ZC3H12B: variants seen among roughly 807,000 people sequenced by gnomAD.
The protein encoded by ZC3H12B is zinc finger CCCH-type containing 12B.
ZC3H12B carries 7 observed loss-of-function variants against 43.9 expected under a neutral mutation model. The ratio of observed to expected loss-of-function variants is 0.16; its 90% CI spans 0.09 to 0.30. ZC3H12B has a LOEUF of 0.30. Ranked by LOEUF, ZC3H12B falls within the 10% of genes least tolerant of loss-of-function variation. The pLI is 1.00. For synonymous variants in ZC3H12B, 222 were observed against 241.7 expected (o/e 0.92, Z 0.76); for missense variants, 475 against 670.2 (o/e 0.71, Z 3.22).
chrX:65,320,181 A>T, the ZC3H12B span, among the ~76,000 whole-genome samples: 1 of 111,840 alleles, frequency 8.9e-6, no homozygotes, highest in East Asian at 2.8e-4. Flanking sequence ...CCTTAAGCTG[A>T]TAAACAATAT....
the ZC3H12B span, among the ~76,000 whole-genome samples, chrX:65,181,124 A>T: frequency 6.3e-5 from 7 of 111,812 alleles, no homozygotes; most frequent in Admixed American, 9.5e-5. Context: ...TTGGTCTTCG[A>T]AAAACCTGAC....
the ZC3H12B span, among the ~76,000 whole-genome samples, chrX:65,197,081 A>G: frequency 8.9e-6 from 1 of 111,836 alleles, no homozygotes; most frequent in Non-Finnish European, 1.9e-5. Context: ...TGCCCCCAGG[A>G]ACTCCACCCA....
intron 2 of ZC3H12B, among the ~76,000 whole-genome samples, chrX:65,388,642 C>CGTCAAA (rs1471107177): frequency 8.9e-6 from 1 of 111,982 alleles, no homozygotes; most frequent in African/African-American, 3.2e-5. Context: ...TCTCTCAACT[C>CGTCAAA]GTCAAAGTCA....
At chrX:65,071,837 C>A in the ZC3H12B span, among the ~76,000 whole-genome samples, 3 of 111,746 alleles carry the variant, frequency 2.7e-5, no homozygotes, top group Admixed American at 2.8e-4. Flanking sequence ...GTCTGATGGG[C>A]TTCTATTTGT....
At chrX:65,472,270 A>G in intron 3 of ZC3H12B, among the ~76,000 whole-genome samples, 1 of 111,760 alleles carries the variant, frequency 8.9e-6, no homozygotes, top group Non-Finnish European at 1.9e-5. Context: ...AGTGTTCTCA[A>G]TATATTTTGG....
the ZC3H12B span, among the ~76,000 whole-genome samples, chrX:65,212,199 A>G: frequency 1.7e-4 from 8 of 47,652 alleles, no homozygotes; most frequent in Non-Finnish European, 2.0e-4. Context: ...TATATAATAT[A>G]ATTATTATAT....
chrX:65,280,856 A>T, the ZC3H12B span, among the ~76,000 whole-genome samples: 1 of 112,065 alleles, frequency 8.9e-6, no homozygotes, highest in Non-Finnish European at 1.9e-5. Flanking sequence ...ATGGACAACT[A>T]TAAAACTTGG....
chrX:65,450,358 T>G (rs1360156000), intron 3 of ZC3H12B, among the ~76,000 whole-genome samples: 1 of 82,831 alleles, frequency 1.2e-5, no homozygotes, highest in Non-Finnish European at 2.2e-5. Context: ...TGTATATATA[T>G]GTGTGTATAT....
At chrX:65,065,833 TTTG>T in the ZC3H12B span, among the ~76,000 whole-genome samples, 1 of 109,098 alleles carries the variant, frequency 9.2e-6, no homozygotes, top group African/African-American at 3.3e-5. Context: ...GGAGGCTTTG[TTTG>T]TTTTTTTTTT....
chrX:65,247,250 A>C, the ZC3H12B span, among the ~76,000 whole-genome samples: 12 of 112,302 alleles, frequency 1.1e-4, no homozygotes, highest in African/African-American at 3.9e-4. Flanking sequence ...GAGGCTGGTG[A>C]GGTTGTGGAG....
chrX:65,311,471 G>A, the ZC3H12B span, among the ~76,000 whole-genome samples: 4 of 111,611 alleles, frequency 3.6e-5, no homozygotes, highest in Non-Finnish European at 7.5e-5. Flanking sequence ...TTAGAATGGC[G>A]ATCATTAAAA....
chrX:65,280,670 T>A, the ZC3H12B span, among the ~76,000 whole-genome samples: 1 of 112,042 alleles, frequency 8.9e-6, no homozygotes, highest in Non-Finnish European at 1.9e-5. Context: ...TTAGAATTGA[T>A]AAACAAATTC....
chrX:65,448,546 G>A (rs2067412949), intron 3 of ZC3H12B, among the ~76,000 whole-genome samples: 1 of 111,953 alleles, frequency 8.9e-6, no homozygotes, highest in African/African-American at 3.3e-5. Flanking sequence ...ACCGGGCACT[G>A]TGGCTCATGC....
chrX:65,191,445 G>T, the ZC3H12B span, among the ~76,000 whole-genome samples: 2 of 100,239 alleles, frequency 2.0e-5, no homozygotes, highest in Non-Finnish European at 3.9e-5. Flanking sequence ...CTTTTTGGTT[G>T]GTAAACTATT....
At chrX:65,077,846 T>C in the ZC3H12B span, among the ~76,000 whole-genome samples, 2 of 112,346 alleles carry the variant, frequency 1.8e-5, no homozygotes, top group Non-Finnish European at 3.8e-5. Flanking sequence ...AGCATTCTTG[T>C]TCCTCACATC....
intron 3 of ZC3H12B, among the ~76,000 whole-genome samples, chrX:65,459,846 C>A (rs1341094513): frequency 8.1e-5 from 9 of 111,187 alleles, no homozygotes; most frequent in Non-Finnish European, 1.5e-4. Flanking sequence ...TAGTGTTGGA[C>A]GTTCTGGCCA....
At chrX:65,431,296 C>T (rs1263450732) in intron 3 of ZC3H12B, among the ~76,000 whole-genome samples, 2 of 112,507 alleles carry the variant, frequency 1.8e-5, no homozygotes, top group Admixed American at 9.4e-5. Context: ...GGATGAAATA[C>T]TGCTCCTTCC....
intron 3 of ZC3H12B, chrX:65,469,286 C>T (rs754798916): frequency 2.3e-4 from 63 of 272,619 alleles, no homozygotes; most frequent in African/African-American, 1.2e-3. Flanking sequence ...CCTGGTGCTC[C>T]GAGCGCATCA....
the ZC3H12B span, among the ~76,000 whole-genome samples, chrX:65,225,248 T>G: frequency 8.9e-6 from 1 of 112,493 alleles, no homozygotes; most frequent in East Asian, 2.8e-4. Flanking sequence ...CCACTGCTGC[T>G]GACACCCAGG....
Sources: allele counts gnomAD v4.1 joint callset (sites outside exome capture counted in the v4.1 genomes callset), GRCh38; gene constraint gnomAD v4.1.1; transcripts MANE v1.5; gene names NCBI Gene and HGNC (gene_info 2026-07-23, HGNC 2026-07-21).